The following TNIP1 variants were observed in gnomAD, a reference collection of about 807,000 sequenced individuals.
The protein encoded by TNIP1 is TNFAIP3-interacting protein 1.
In TNIP1, 22 loss-of-function variants were observed where a neutral mutation model predicts 86.6. The ratio of observed to expected loss-of-function variants is 0.25; its 90% CI spans 0.18 to 0.36. The LOEUF (loss-of-function observed/expected upper bound fraction) is 0.36. Ranked by LOEUF, TNIP1 falls within the 10% of genes least tolerant of loss-of-function variation. The probability of loss-of-function intolerance (pLI) is 1.00; values close to 1 mark genes in which losing one functional copy is unlikely to be tolerated. For missense variants in TNIP1, 709 were observed against 820.6 expected (o/e 0.86, Z 1.66); for synonymous variants, 294 against 313.0 (o/e 0.94, Z 0.64).
At chr5:151,040,081 T>C (rs939079993) in intron 11 of TNIP1, among the ~76,000 whole-genome samples, 2 of 152,222 alleles carry the variant, frequency 1.3e-5, no homozygotes, top group African/African-American at 4.8e-5. Flanking sequence ...TTGCTCTCTC[T>C]CCTTCCATGT....
chr5:151,059,881 G>GCA (rs1761314012), intron 5 of TNIP1, among the ~76,000 whole-genome samples: 1 of 126,156 alleles, frequency 7.9e-6, no homozygotes, highest in African/African-American at 3.0e-5. Flanking sequence ...GCGCGCGCGC[G>GCA]CATGCGTGTA....
upstream of TNIP1, chr5:151,081,179 T>G (rs1440540415): frequency 6.6e-6 from 1 of 152,078 alleles, no homozygotes; most frequent in Non-Finnish European, 1.5e-5. Context: ...TGCCTGCGGT[T>G]CCGGGGGCCC....
At position 151,072,670 on chromosome 5, in the gene TNIP1, C is replaced by G. The variant is rs78947941; in HGVS notation, c.-36-7539G>C. On this transcript the variant is annotated intron_variant, in intron 1 of 17. Transcript: ENST00000521591. ...ACTGTTCCACATAGGGACTGCCCCC[C>G]CTCCAGTCCCCCACCAACCCTCTAC... Among the ~76,000 whole-genome samples the G allele has an allele frequency of 3.1e-4, 47 of 152,302 alleles. No individual in the cohort carries two copies. In the East Asian group the frequency reaches 3.9e-3, roughly 13 times the overall value.
At chr5:151,053,913 G>A (rs1760308743) in intron 6 of TNIP1, among the ~76,000 whole-genome samples, 1 of 152,252 alleles carries the variant, frequency 6.6e-6, no homozygotes, top group Non-Finnish European at 1.5e-5. Context: ...TCAGAGAAGG[G>A]AGAGAGATGG....
intron 17 of TNIP1, 109 bp from the exon 18 acceptor site, chr5:151,030,856 G>T: frequency 2.2e-6 from 2 of 926,158 alleles, no homozygotes; most frequent in Non-Finnish European, 3.3e-6. Context: ...TAGGGTTACT[G>T]GGTGCTACCA....
chr5:151,065,657 TA>T (rs1383781902), intron 1 of TNIP1, among the ~76,000 whole-genome samples: 14 of 152,214 alleles, frequency 9.2e-5, no homozygotes, highest in African/African-American at 3.4e-4. Context: ...GTTAATTTAG[TA>T]ATCTTTAAAG....
At chr5:151,071,038 G>T (rs933013474) in intron 1 of TNIP1, among the ~76,000 whole-genome samples, 8 of 151,862 alleles carry the variant, frequency 5.3e-5, no homozygotes, top group Non-Finnish European at 8.8e-5. Context: ...GGGTGGGGGG[G>T]GCGCAGTATA....
intron 11 of TNIP1, among the ~76,000 whole-genome samples, 168 bp downstream of exon 11, chr5:151,042,372 T>C (rs1298017571): frequency 1.3e-5 from 2 of 152,212 alleles, no homozygotes; most frequent in African/African-American, 2.4e-5. Context: ...AATTTTCAGA[T>C]GGGAAACTGC....
chr5:151,084,674 G>C (rs2346024), upstream of TNIP1, among the ~76,000 whole-genome samples: 87,247 of 151,864 alleles, frequency 0.57, 25,774 homozygotes, highest in East Asian at 0.84. Flanking sequence ...ATTCCTCATT[G>C]CATTAGGAGA....
intron 7 of TNIP1, among the ~76,000 whole-genome samples, chr5:151,050,216 T>A (rs928368850): frequency 6.6e-6 from 1 of 152,224 alleles, no homozygotes; most frequent in Non-Finnish European, 1.5e-5. Flanking sequence ...AAACACTGCA[T>A]TAAATAACCC....
At chr5:151,041,880 A>G (rs1758461744) in intron 11 of TNIP1, among the ~76,000 whole-genome samples, 1 of 150,212 alleles carries the variant, frequency 6.7e-6, no homozygotes, top group African/African-American at 2.5e-5. Flanking sequence ...CACCATCACT[A>G]TGCTGAACAC....
rs377380185 is a variant in TNIP1, at chr5:151,073,582, T to TTGTGTGTGTGTGTGTGTGTGTGTG, written c.-37+7297_-37+7298insCACACACACACACACACACACACA. ...GGATGCTATTTTTTTCAAAAACACA[T>TTGTGTGTGTGTGTGTGTGTGTGTG]TGTGTGTGTGTGTGTATACATACGG... On this transcript the variant is annotated intron_variant, in intron 1 of 17. Transcript: ENST00000521591. Among the ~76,000 whole-genome samples, 132 of 150,312 alleles carry TTGTGTGTGTGTGTGTGTGTGTGTG rather than the reference T, an allele frequency of 8.8e-4. 1 individual carries two copies. The highest frequency in any genetic ancestry group is 3.1e-3 in the African/African-American group (126 of 40,440).
intron 5 of TNIP1, among the ~76,000 whole-genome samples, chr5:151,059,380 C>T (rs1279422203): frequency 1.3e-5 from 2 of 152,208 alleles, no homozygotes; most frequent in Non-Finnish European, 2.9e-5. Flanking sequence ...GTGAGCCTCT[C>T]AACACTGAAG....
chr5:151,080,122 A>T (rs1205382542), intron 1 of TNIP1: 1 of 152,272 alleles, frequency 6.6e-6, no homozygotes, highest in Non-Finnish European at 1.5e-5. Context: ...TGAATGTACA[A>T]TGCACACGTG....
upstream of TNIP1, among the ~76,000 whole-genome samples, chr5:151,081,454 C>CT (rs1050734244): frequency 6.6e-6 from 1 of 152,188 alleles, no homozygotes; most frequent in African/African-American, 2.4e-5. Context: ...TAAGCCAGAG[C>CT]TGGAGCTCAG....
At chr5:151,060,897 G>A (rs1269424493) in intron 4 of TNIP1, among the ~76,000 whole-genome samples, 2 of 152,166 alleles carry the variant, frequency 1.3e-5, no homozygotes, top group South Asian at 2.1e-4. Flanking sequence ...GTCTCTGATC[G>A]GTTTCCCAGA....
chr5:151,044,857 T>C (rs1200206102), intron 9 of TNIP1, among the ~76,000 whole-genome samples: 1 of 152,178 alleles, frequency 6.6e-6, no homozygotes, highest in Non-Finnish European at 1.5e-5. Context: ...GGCTTCTCTC[T>C]TGGCAGCAGA....
chr5:151,061,640 C>G (rs1182560729), intron 4 of TNIP1, among the ~76,000 whole-genome samples: 4 of 152,156 alleles, frequency 2.6e-5, no homozygotes, highest in Non-Finnish European at 5.9e-5. Flanking sequence ...CACCATCACA[C>G]CTGACTACTT....
At chr5:151,047,989 A>G (rs1581787938) in intron 8 of TNIP1, among the ~76,000 whole-genome samples, 1 of 152,324 alleles carries the variant, frequency 6.6e-6, no homozygotes, top group Non-Finnish European at 1.5e-5. Flanking sequence ...GGCTTCAGGT[A>G]GGGCTGGGTG....
Sources: gnomAD v4.1 joint callset for allele counts (sites outside exome capture counted in the v4.1 genomes callset) on GRCh38, gnomAD v4.1.1 for gene constraint, MANE v1.5 for transcripts, NCBI Gene and HGNC (gene_info 2026-07-23, HGNC 2026-07-21) for gene names.